Variants in ASTN2 observed in about 807,000 individuals in gnomAD.
The protein encoded by ASTN2 is astrotactin 2.
A neutral mutation model predicts 139.8 loss-of-function variants in ASTN2; 54 were observed. The observed-to-expected ratio is 0.39, with a 90% CI of 0.31 to 0.48. The LOEUF is 0.48. ASTN2 is among the 20% of genes least tolerant of loss of function. The pLI is 0.95. For synonymous variants in ASTN2, 756 were observed against 719.5 expected, an observed-to-expected ratio of 1.05 and a Z score of -0.81; for missense variants, 1,565 against 1,725.1, an observed-to-expected ratio of 0.91 and a Z score of 1.64.
chr9:117,405,901 A>G (rs1195370401), intron 1 of ASTN2, among the ~76,000 whole-genome samples: 1 of 152,124 alleles, frequency 6.6e-6, no homozygotes. Flanking sequence ...TCCTGCAATC[A>G]CCCCAAAATA....
chr9:116,783,516 C>T (rs1012177969), intron 13 of ASTN2, among the ~76,000 whole-genome samples: 3 of 152,126 alleles, frequency 2.0e-5, no homozygotes, highest in Admixed American at 6.6e-5. Context: ...ATCTACTATG[C>T]ATCTGTTGCT....
At position 116,725,308 on chromosome 9, in the gene ASTN2, G is replaced by A. The variant is rs575023720; in HGVS notation, c.2806+463C>T. ...CTCACCACAGGACAGAATGGAAACCGTCTGCTTGGTTATGAGGTGATTGTT... is the reference window on the plus strand; with the variant it reads ...CTCACCACAGGACAGAATGGAAACCATCTGCTTGGTTATGAGGTGATTGTT... On this transcript the variant is annotated intron_variant, in intron 16 of 22. Transcript: ENST00000313400. Among the ~76,000 whole-genome samples, 14 of 152,096 alleles carry A rather than the reference G, an allele frequency of 9.2e-5. No individual in the cohort carries two copies. In the East Asian group the frequency reaches 1.7e-3, roughly 19 times the overall value.
chr9:116,649,184 T>A (rs1309950857), intron 17 of ASTN2, among the ~76,000 whole-genome samples: 1 of 152,192 alleles, frequency 6.6e-6, no homozygotes. Context: ...TTTTAAATCA[T>A]ATTTATTGCA....
chr9:117,118,289 A>G (rs955413165), intron 4 of ASTN2, among the ~76,000 whole-genome samples: 4 of 152,134 alleles, frequency 2.6e-5, no homozygotes, highest in African/African-American at 9.7e-5. Flanking sequence ...CTACTGGCCC[A>G]GTTGCCCCCA....
intron 11 of ASTN2, among the ~76,000 whole-genome samples, chr9:116,829,953 T>TG (rs2132283338): frequency 6.6e-6 from 1 of 152,328 alleles, no homozygotes; most frequent in Admixed American, 6.5e-5. Context: ...TTTTGGACCT[T>TG]GGCCTTGGGA....
chr9:116,897,840 A>G (rs1255297970), intron 10 of ASTN2, among the ~76,000 whole-genome samples: 1 of 152,210 alleles, frequency 6.6e-6, no homozygotes, highest in Non-Finnish European at 1.5e-5. Context: ...AAAGGACTGA[A>G]GTGACAACAC....
intron 13 of ASTN2, among the ~76,000 whole-genome samples, chr9:116,802,341 C>A (rs549280051): frequency 6.6e-6 from 1 of 152,274 alleles, no homozygotes; most frequent in East Asian, 1.9e-4. Flanking sequence ...CCGCCTCAGC[C>A]TCCCAAAGTG....
In ASTN2 at chr9:117,134,293, TATACACACACACACACACAC is replaced by T. The variant is rs1342928458; in HGVS notation, c.1168+7013_1168+7032del. ...ATATATATATATATATATATATATATATACACACACACACACACACACACACACACACACACACACACACA... is the reference window on the plus strand; with the variant it reads ...ATATATATATATATATATATATATATACACACACACACACACACACACACA... On this transcript the variant is annotated intron_variant, in intron 4 of 22. Transcript: ENST00000313400. Among the ~76,000 whole-genome samples, 198 of 53,898 alleles carry T rather than the reference TATACACACACACACACACAC, an allele frequency of 3.7e-3. 4 individuals are homozygous for T. Among genetic ancestry groups the T allele is most frequent in the African/African-American group, 0.011 (177 of 16,760 alleles). The allele number at this position is 53,898 out of a possible 152,430, so 35.4% of individuals were successfully genotyped here. A position where few individuals can be genotyped will look rare whatever the true frequency, so the allele number is the denominator to read the frequency against.
Position 116,770,572 on chromosome 9 carries a change from G to C in ASTN2, c.2396+35060C>G, listed in dbSNP as rs369105401. Reference sequence around the variant, plus strand: ...ATCCCTGGCTCTTTCTCTATACCTTGTCACAACCTTTGAGGCTTGACATCA... The same window carrying C: ...ATCCCTGGCTCTTTCTCTATACCTTCTCACAACCTTTGAGGCTTGACATCA... On this transcript the variant is annotated intron_variant, in intron 13 of 22. Coordinates refer to ENST00000313400, the MANE Select transcript of ASTN2 (RefSeq NM_001365068.1). Among the ~76,000 whole-genome samples the C allele has an allele frequency of 1.6e-4, 24 of 152,234 alleles. No homozygotes were observed. In the East Asian group the frequency reaches 2.3e-3, roughly 15 times the overall value.
intron 17 of ASTN2, among the ~76,000 whole-genome samples, chr9:116,623,183 GTGTGT>G (rs1856260198): frequency 2.1e-5 from 2 of 95,522 alleles, no homozygotes; most frequent in Non-Finnish European, 5.2e-5. Context: ...GTGTGTGTGT[GTGTGT>G]GTGTGTGTGT....
intron 10 of ASTN2, among the ~76,000 whole-genome samples, chr9:116,906,174 A>T (rs1017907863): frequency 6.6e-6 from 1 of 152,132 alleles, no homozygotes; most frequent in Non-Finnish European, 1.5e-5. Flanking sequence ...TTGGGAAGAC[A>T]AGAAGCCCAA....
At chr9:117,312,105 G>A (rs768394073) in intron 1 of ASTN2, among the ~76,000 whole-genome samples, 9 of 152,116 alleles carry the variant, frequency 5.9e-5, no homozygotes, top group Non-Finnish European at 1.2e-4. Context: ...AAACACTAAA[G>A]CACTAGACAC....
At chr9:117,397,732 C>T (rs774129524) in intron 1 of ASTN2, among the ~76,000 whole-genome samples, 1 of 152,066 alleles carries the variant, frequency 6.6e-6, no homozygotes, top group East Asian at 1.9e-4. Flanking sequence ...ACTAACTGAC[C>T]AACTGCCAGT....
intron 12 of ASTN2, among the ~76,000 whole-genome samples, chr9:116,819,045 T>G (rs1245402551): frequency 6.6e-6 from 1 of 152,224 alleles, no homozygotes; most frequent in Middle Eastern, 3.2e-3. Context: ...AAGGCTTGCC[T>G]TATGGCTAAG....
intron 6 of ASTN2, among the ~76,000 whole-genome samples, chr9:117,010,309 C>A (rs1178107538): frequency 6.6e-6 from 1 of 152,094 alleles, no homozygotes; most frequent in Non-Finnish European, 1.5e-5. Flanking sequence ...TTGAGGAAGG[C>A]ACAGAACATC....
At chr9:116,757,881 T>A (rs578051255) in intron 13 of ASTN2, among the ~76,000 whole-genome samples, 71 of 152,258 alleles carry the variant, frequency 4.7e-4, no homozygotes, top group African/African-American at 9.9e-4. Flanking sequence ...CTTAACAAAT[T>A]CTTAATTTGT....
intron 19 of ASTN2, among the ~76,000 whole-genome samples, chr9:116,605,149 T>C (rs1021400664): frequency 2.0e-5 from 3 of 151,192 alleles, no homozygotes; most frequent in African/African-American, 4.9e-5. Context: ...GGAAAGGATA[T>C]AGGAAGAAAG....
In ASTN2 at chr9:117,142,043, T is replaced by C. The variant is rs559967452; in HGVS notation, c.1016-565A>G. On this transcript the variant is annotated intron_variant, in intron 3 of 22. Transcript: ENST00000313400. ...CGTCCTGGATGGAAGGAGAAGCATG[T>C]GTGATGATCTGAAACGAGAAGGAGC... Among the ~76,000 whole-genome samples the C allele has an allele frequency of 2.0e-5, 3 of 152,294 alleles. No individual in the cohort carries two copies. In the South Asian group the frequency reaches 6.2e-4, roughly 32 times the overall value.
intron 10 of ASTN2, among the ~76,000 whole-genome samples, chr9:116,906,201 A>C (rs1216984723): frequency 6.6e-6 from 1 of 152,120 alleles, no homozygotes; most frequent in Non-Finnish European, 1.5e-5. Context: ...CTGAGCTACT[A>C]AATAACATAA....
Sources: allele counts gnomAD v4.1 joint callset (sites outside exome capture counted in the v4.1 genomes callset), GRCh38; gene constraint gnomAD v4.1.1; transcripts MANE v1.5; gene names NCBI Gene and HGNC (gene_info 2026-07-23, HGNC 2026-07-21).